The following TAP2 variants were observed in gnomAD, a reference collection of about 807,000 sequenced individuals.
TAP2 encodes the protein transporter 2, ATP binding cassette subfamily B member, also known as antigen peptide transporter 2.
Under a neutral mutation model 74.7 loss-of-function variants are expected in TAP2, and 49 were observed. That is an observed-to-expected ratio of 0.66 (90% confidence interval 0.52 to 0.83). The LOEUF is 0.83. Ranked by LOEUF, TAP2 falls within the 40% of genes least tolerant of loss-of-function variation. The pLI is 0.00. For synonymous variants in TAP2, 306 were observed against 368.4 expected (o/e 0.83, Z 1.94); for missense variants, 739 against 859.0 (o/e 0.86, Z 1.75).
Position 32,832,817 on chromosome 6 carries a change from AGC to A in TAP2, c.951_952del (p.Leu318SerfsTer33). On this transcript the variant is annotated frameshift_variant, in exon 6 of 12. Transcript: ENST00000374897. LOFTEE classifies it high-confidence loss of function. This position sits in a 1 kb window ranked among gnomAD's most constrained non-coding sequence, Gnocchi z 5.9. ...GGCCACTGCATCCTGGATCTCCCGAAGCACTTCCTGGAAAAGAGGGCCAGCAA... is the reference window on the plus strand; with the variant it reads ...GGCCACTGCATCCTGGATCTCCCGAAACTTCCTGGAAAAGAGGGCCAGCAA... 2 of 1,612,454 alleles carry A rather than the reference AGC, an allele frequency of 1.2e-6. No homozygotes were observed. The highest frequency in any genetic ancestry group is 1.7e-6 in the Non-Finnish European group (2 of 1,180,022).
chr6:32,826,216 C>T lies in TAP2; in HGVS notation c.*2690G>A, dbSNP rs1232518393. The T allele has an allele frequency of 1.0e-6, 1 of 985,300 alleles. No homozygotes were observed. Among genetic ancestry groups the T allele is most frequent in the East Asian group, 1.1e-4 (1 of 8,832 alleles). 61.0% of individuals were successfully genotyped at this position (985,300 alleles called of 1,614,324 possible). ...TGCCATGTGGATTACAAGTGGCTAT[C>T]CCTGGGTGGAGGCATAAAGGACTTG... On this transcript the variant is annotated 3_prime_UTR_variant, in exon 12 of 12. Transcript: ENST00000374897.
In TAP2 at chr6:32,827,481, TA is replaced by T; in HGVS notation, c.*1424del. Reference sequence around the variant, plus strand: ...AGGTGGGAAAGGGAAGATAGAACTTTAAAAGGGCTGTGAAAGAGGTAACCGC... The same window carrying T: ...AGGTGGGAAAGGGAAGATAGAACTTTAAAGGGCTGTGAAAGAGGTAACCGC... On this transcript the variant is annotated 3_prime_UTR_variant, in exon 12 of 12. Transcript: ENST00000374897. The T allele has an allele frequency of 2.3e-6, 1 of 438,114 alleles. No individual in the cohort carries two copies. Among genetic ancestry groups the T allele is most frequent in the Non-Finnish European group, 3.0e-6 (1 of 330,310 alleles). The allele number at this position is 438,114 out of a possible 1,614,324, so 27.1% of individuals were successfully genotyped here. A position where few individuals can be genotyped will look rare whatever the true frequency, so the allele number is the denominator to read the frequency against.
At chr6:32,825,133 C>CATATATATATATAT (rs28986262), downstream of TAP2, among the ~76,000 whole-genome samples, 5 of 130,520 alleles carry the variant, frequency 3.8e-5, no homozygotes, top group South Asian at 2.2e-4. Context: ...TGGTTATATA[C>CATATATATATATAT]ATATATATAT....
Position 32,832,212 on chromosome 6 carries a change from A to C in TAP2, c.1272+121T>G. 1 of 1,429,996 alleles carries C rather than the reference A, an allele frequency of 7.0e-7. No homozygotes were observed. 88.6% of individuals were successfully genotyped at this position (1,429,996 alleles called of 1,614,324 possible). A position where few individuals can be genotyped will look rare whatever the true frequency, so the allele number is the denominator to read the frequency against. ...TATGTTTAAAATTCTCCATAGCAAA[A>C]TTACTTGCGGGTTTTGGTTTTGTAT... On this transcript the variant is annotated intron_variant, in intron 7 of 11. Coordinates refer to ENST00000374897, the MANE Select transcript of TAP2 (RefSeq NM_001290043.2). The surrounding 1 kb of genome is among the most constrained non-coding windows in gnomAD (Gnocchi z 5.9).
In TAP2 at chr6:32,826,258, C is replaced by T. The variant is rs1673210779; in HGVS notation, c.*2648G>A. 2.0e-6 allele frequency: 2 copies of T among 985,294 alleles called. No homozygotes were observed. Among genetic ancestry groups the T allele is most frequent in the South Asian group, 4.7e-5 (1 of 21,292 alleles). 61.0% of individuals were successfully genotyped at this position (985,294 alleles called of 1,614,324 possible). On this transcript the variant is annotated 3_prime_UTR_variant, in exon 12 of 12. Coordinates refer to ENST00000374897, the MANE Select transcript of TAP2 (RefSeq NM_001290043.2). ...AAGGACTTGAAACTCAATGCTGTTT[C>T]CACATAGGGCCGGGCAGACAGGCTA...
At position 32,835,798 on chromosome 6, in the gene TAP2, G is replaced by A. The variant is rs558989206; in HGVS notation, c.609-25C>T. 1 of 1,613,098 alleles carries A rather than the reference G, an allele frequency of 6.2e-7. No individual in the cohort carries two copies. The highest frequency in any genetic ancestry group is 8.5e-7 in the Non-Finnish European group (1 of 1,179,936). ...GCTGTGGGGTAGGAGAATAAGAGGG[G>A]AGGGAGATGCAGAGAAGGAGCAAGC... On this transcript the variant is annotated intron_variant, in intron 3 of 11. Coordinates refer to ENST00000374897, the MANE Select transcript of TAP2 (RefSeq NM_001290043.2). The surrounding 1 kb of genome is among the most constrained non-coding windows in gnomAD (Gnocchi z 4.0).
intron 1 of TAP2, 167 bp from the exon 2 acceptor site, chr6:32,838,404 A>C: frequency 1.0e-5 from 5 of 500,410 alleles, no homozygotes; most frequent in Non-Finnish European, 1.3e-5. Context: ...CACCCCTCCT[A>C]CGACAGACAG....
At chr6:32,831,709 A>C (rs913420479) in intron 7 of TAP2, among the ~76,000 whole-genome samples, 2 of 152,246 alleles carry the variant, frequency 1.3e-5, no homozygotes, top group Admixed American at 6.5e-5. Flanking sequence ...TAAACTGTGC[A>C]AGGGAAACTT....
rs1768904881 is a variant in TAP2 at position 32,829,489 on chromosome 6, G to C, written c.1843C>G (p.Leu615Val). Residue 615 changes from leucine to valine, a missense_variant, in exon 11 of 12, where the codon CTG (leucine) becomes GTG (valine). By Grantham distance (32) the Leu-to-Val change is conservative. Transcript: ENST00000374897. ...CGTACAAGGGCCCGGGCAATGGCCA[G>C]ACGTTGTTTCTGTCCCGCAGCCAGC... ...SQLAAGQKQR[L>V]AIARALVRDP... The C allele has an allele frequency of 3.7e-6, 6 of 1,614,190 alleles. No homozygotes were observed. The highest frequency in any genetic ancestry group is 4.2e-6 in the Non-Finnish European group (5 of 1,180,030).
chr6:32,838,727 C>G lies in TAP2; in HGVS notation c.-79G>C, dbSNP rs1170481549. 6.4e-6 allele frequency: 1 copy of G among 155,664 alleles called. No individual in the cohort carries two copies. The highest frequency in any genetic ancestry group is 1.4e-5 in the Non-Finnish European group (1 of 70,534). 9.6% of individuals were successfully genotyped at this position (155,664 alleles called of 1,614,324 possible). The stretch of plus-strand genomic sequence containing the variant: ...AGGTCCGCTCCGTCTCTCCCAACCT[C>G]GCTACCGGCTCTGGTCCGCCAGCTA... On this transcript the variant is annotated 5_prime_UTR_variant, in exon 1 of 12. Coordinates refer to ENST00000374897, the MANE Select transcript of TAP2 (RefSeq NM_001290043.2).
chr6:32,829,888 CT>C (rs1376967214), intron 10 of TAP2, 41 bp downstream of exon 10: 2 of 1,612,488 alleles, frequency 1.2e-6, no homozygotes, highest in Non-Finnish European at 1.7e-6. Flanking sequence ...CTGATTTTCT[CT>C]TTTTTACTGA....
downstream of TAP2, chr6:32,825,273 G>A (rs1334759469): frequency 4.6e-5 from 7 of 151,890 alleles, no homozygotes; most frequent in Non-Finnish European, 5.9e-5. Context: ...TCCCCTTTAA[G>A]ATTGTATCAT....
rs139588238 is a variant in TAP2, at chr6:32,837,885, C to G, written c.349G>C (p.Ala117Pro). ...TGGGCTCCAGGAGGGCTCAGAACAG[C>G]CCACAGTGACCAGCTGAGCCCCGCA... ...GAAGLSWSLW[A>P]VLSPPGAQEK... The change falls in exon 2 of 12, where the codon GCT becomes CCT. Residue 117 changes from alanine to proline, a missense_variant. Physicochemically the swap from Ala to Pro is conservative, Grantham distance 27 (BLOSUM62 -1). Transcript: ENST00000374897. 3.7e-6 allele frequency: 6 copies of G among 1,613,116 alleles called. No individual in the cohort carries two copies. The South Asian group carries it at 6.6e-5, about 18-fold the overall frequency.
Position 32,837,810 on chromosome 6 carries a change from G to T in TAP2, c.424C>A (p.Leu142Met), listed in dbSNP as rs372760767. 10 of 1,614,036 alleles carry T rather than the reference G, an allele frequency of 6.2e-6. No homozygotes were observed. The highest frequency in any genetic ancestry group is 8.5e-6 in the Non-Finnish European group (10 of 1,180,012). The change falls in exon 2 of 12, where the codon CTG becomes ATG. Residue 142 changes from leucine (L) to methionine (M), a missense_variant. Physicochemically the swap from Leu to Met is conservative, Grantham distance 15. Transcript: ENST00000374897. ...GGCAGGTCCGGCCTGGAGAGCTTCAGCAGCCTCCACATCAAGACTTTGTTG... is the reference window on the plus strand; with the variant it reads ...GGCAGGTCCGGCCTGGAGAGCTTCATCAGCCTCCACATCAAGACTTTGTTG... ...VNNKVLMWRL[L>M]KLSRPDLPLL...
chr6:32,830,924 G>T, intron 7 of TAP2, 118 bp from the exon 8 acceptor site: 1 of 939,424 alleles, frequency 1.1e-6, no homozygotes, highest in Non-Finnish European at 1.7e-6. Context: ...ACTCAAAAGA[G>T]ATTCTCCACT....
intron 1 of TAP2, 129 bp downstream of exon 1, chr6:32,838,524 C>G: frequency 2.6e-6 from 1 of 377,688 alleles, no homozygotes; most frequent in Non-Finnish European, 4.7e-6. Flanking sequence ...CCGCGGCGAG[C>G]TAAGTGGTCC....
Position 32,826,739 on chromosome 6 carries a change from T to C in TAP2, c.*2167A>G, listed in dbSNP as rs1768674680. On this transcript the variant is annotated 3_prime_UTR_variant, in exon 12 of 12. Transcript: ENST00000374897. ...GCGTGATTTCATGTCAGTTTCTCTG[T>C]AAAATTAGGTTTGACTGTTGCATTA... 1.0e-6 allele frequency: 1 copy of C among 985,462 alleles called. No individual in the cohort carries two copies. The highest frequency in any genetic ancestry group is 4.7e-5 in the South Asian group (1 of 21,286). The allele number at this position is 985,462 out of a possible 1,614,324, so 61.0% of individuals were successfully genotyped here.
chr6:32,835,800 G>A lies in TAP2; in HGVS notation c.609-27C>T. 6.2e-7 allele frequency: 1 copy of A among 1,613,102 alleles called. No individual in the cohort carries two copies. Among genetic ancestry groups the A allele is most frequent in the Non-Finnish European group, 8.5e-7 (1 of 1,179,938 alleles). On this transcript the variant is annotated intron_variant, in intron 3 of 11. Transcript: ENST00000374897. This position sits in a 1 kb window ranked among gnomAD's most constrained non-coding sequence, Gnocchi z 4.0. ...TGTGGGGTAGGAGAATAAGAGGGGA[G>A]GGAGATGCAGAGAAGGAGCAAGCCA... is the stretch of plus-strand genomic sequence containing the variant.
In TAP2 at chr6:32,828,804, C is replaced by T; in HGVS notation, c.*102G>A. The T allele has an allele frequency of 6.9e-7, 1 of 1,441,330 alleles. No individual in the cohort carries two copies. The highest frequency in any genetic ancestry group is 2.3e-5 in the Admixed American group (1 of 44,148). 89.3% of individuals were successfully genotyped at this position (1,441,330 alleles called of 1,614,324 possible). On this transcript the variant is annotated 3_prime_UTR_variant, in exon 12 of 12. Coordinates refer to ENST00000374897, the MANE Select transcript of TAP2 (RefSeq NM_001290043.2). ...CTAGGGAAACTCAAAGCAGGAACAG[C>T]TCTGGGTCCTGGAGACGCCCCTGAG...
Sources: gnomAD v4.1 joint callset for allele counts (sites outside exome capture counted in the v4.1 genomes callset) on GRCh38, gnomAD v4.1.1 for gene constraint, Gnocchi (gnomAD v3.1) non-coding constraint, MANE v1.5 for transcripts, NCBI Gene and HGNC (gene_info 2026-07-23, HGNC 2026-07-21) for gene names.